ANKFY1: variants seen among roughly 807,000 people sequenced by gnomAD.
ANKFY1 encodes the protein ankyrin repeat and FYVE domain containing 1.
ANKFY1 carries 47 observed loss-of-function variants against 128.3 expected under a neutral mutation model. That is an observed-to-expected ratio of 0.37 (90% CI 0.29 to 0.47). ANKFY1 has a LOEUF of 0.47. ANKFY1 is among the 20% of genes least tolerant of loss of function. The pLI is 1.00. For synonymous variants in ANKFY1, 553 were observed against 601.6 expected, an observed-to-expected ratio of 0.92 and a Z score of 1.18; for missense variants, 1,222 against 1,510.6, an observed-to-expected ratio of 0.81 and a Z score of 3.17.
At chr17:4,207,147 G>A (rs1281200474) in intron 6 of ANKFY1, among the ~76,000 whole-genome samples, 1 of 151,896 alleles carries the variant, frequency 6.6e-6, no homozygotes, top group African/African-American at 2.4e-5. Flanking sequence ...TAACCACAGA[G>A]GGCCCGACCC....
chr17:4,217,552 A>C (rs887392785), intron 3 of ANKFY1, among the ~76,000 whole-genome samples: 3 of 152,210 alleles, frequency 2.0e-5, no homozygotes, highest in African/African-American at 2.4e-5. Context: ...GTCTCAAAAA[A>C]AAGGTGACTC....
chr17:4,215,520 A>T (rs1314124693), intron 4 of ANKFY1, among the ~76,000 whole-genome samples: 1 of 152,124 alleles, frequency 6.6e-6, no homozygotes, highest in South Asian at 2.1e-4. Flanking sequence ...ATTCCTTCCA[A>T]GGACAGCAGG....
chr17:4,170,796 G>A lies in ANKFY1; in HGVS notation c.3205C>T (p.Arg1069Cys), dbSNP rs947729298. 23 of 1,613,926 alleles carry A rather than the reference G, an allele frequency of 1.4e-5. No homozygotes were observed. Among genetic ancestry groups the A allele is most frequent in the Admixed American group, 3.3e-5 (2 of 59,980 alleles). Residue 1069 changes from arginine to cysteine, a missense_variant, in exon 23 of 25, where the codon CGC (arginine) becomes TGC (cysteine). Coordinates refer to ENST00000341657, the MANE Select transcript of ANKFY1 (RefSeq NM_001330063.2). Reference protein sequence around the residue: ...LCRAIVRSGARLGVNNNQGVN... With the variant: ...LCRAIVRSGACLGVNNNQGVN... Reference sequence around the variant, plus strand: ...CCCTGGTTGTTATTCACCCCGAGGCGAGCCCCCGACCGGACGATGGCGCGG... The same window carrying A: ...CCCTGGTTGTTATTCACCCCGAGGCAAGCCCCCGACCGGACGATGGCGCGG...
intron 2 of ANKFY1, among the ~76,000 whole-genome samples, chr17:4,238,351 T>A (rs1967019368): frequency 6.6e-6 from 1 of 152,160 alleles, no homozygotes; most frequent in Admixed American, 6.5e-5. Flanking sequence ...CTTTAGAAAC[T>A]GATTCCTCAG....
chr17:4,185,174 G>C, intron 11 of ANKFY1, 128 bp from the exon 12 acceptor site: 1 of 793,480 alleles, frequency 1.3e-6, no homozygotes, highest in East Asian at 2.7e-5. Flanking sequence ...CCTGACTTCT[G>C]TTCTCTTTCT....
chr17:4,183,684 A>C, intron 13 of ANKFY1, 128 bp downstream of exon 13: 1 of 1,413,544 alleles, frequency 7.1e-7, no homozygotes, highest in Admixed American at 2.0e-5. Flanking sequence ...TAACTCAAAC[A>C]GAAATGTTAT....
chr17:4,174,122 C>A (rs116640794), intron 19 of ANKFY1, 66 bp from the exon 20 acceptor site: 3 of 1,557,786 alleles, frequency 1.9e-6, no homozygotes, highest in Non-Finnish European at 2.6e-6. Flanking sequence ...TTATGGGGGC[C>A]GAGCCTGCTT....
intron 1 of ANKFY1, among the ~76,000 whole-genome samples, chr17:4,247,976 C>T (rs888377376): frequency 9.2e-5 from 14 of 152,194 alleles, no homozygotes; most frequent in African/African-American, 3.4e-4. Flanking sequence ...TCCTGTGTTG[C>T]AAGATTCTCC....
chr17:4,175,298 A>C (rs1386347932), intron 19 of ANKFY1, among the ~76,000 whole-genome samples: 1 of 151,210 alleles, frequency 6.6e-6, no homozygotes, highest in Non-Finnish European at 1.5e-5. Flanking sequence ...AGGTCACTGC[A>C]CTCCAGCCTG....
In ANKFY1 at chr17:4,179,241, C is replaced by T. The variant is rs146397542; in HGVS notation, c.2398-184G>A. ...CTAAATGTCACTTCCTGTTACACCA[C>T]GTTCCAGTGACCCAGTGGTGACCGT... is the stretch of plus-strand genomic sequence containing the variant. On this transcript the variant is annotated intron_variant, in intron 17 of 24. Coordinates refer to ENST00000341657, the MANE Select transcript of ANKFY1 (RefSeq NM_001330063.2). The T allele has an allele frequency of 5.9e-4, 394 of 667,960 alleles. 1 individual carries two copies. Among genetic ancestry groups the T allele is most frequent in the African/African-American group, 5.7e-3 (319 of 55,606 alleles). 41.4% of individuals were successfully genotyped at this position (667,960 alleles called of 1,614,324 possible).
chr17:4,188,444 T>G (rs887061255), intron 11 of ANKFY1: 8 of 152,234 alleles, frequency 5.3e-5, no homozygotes, highest in Admixed American at 5.2e-4. Flanking sequence ...TCATTATTTA[T>G]AAGCCACTTA....
chr17:4,204,234 T>C (rs548355404), intron 7 of ANKFY1, among the ~76,000 whole-genome samples: 50 of 152,330 alleles, frequency 3.3e-4, no homozygotes, highest in Non-Finnish European at 6.2e-4. Context: ...AAGCGATGAA[T>C]GGCAGGGTTG....
At chr17:4,255,236 T>C (rs1202569319) in intron 1 of ANKFY1, among the ~76,000 whole-genome samples, 1 of 151,104 alleles carries the variant, frequency 6.6e-6, no homozygotes, top group East Asian at 1.9e-4. Flanking sequence ...GTGTTCTTCA[T>C]GTAATTCTTT....
rs1280207105 is a variant in ANKFY1 at position 4,178,681 on chromosome 17, C to G, written c.2598+176G>C. The G allele has an allele frequency of 9.1e-6, 6 of 660,010 alleles. No homozygotes were observed. The highest frequency in any genetic ancestry group is 1.8e-5 in the African/African-American group (1 of 55,260). 40.9% of individuals were successfully genotyped at this position (660,010 alleles called of 1,614,324 possible). On this transcript the variant is annotated intron_variant, in intron 18 of 24. Transcript: ENST00000341657. The surrounding 1 kb of genome is among the most constrained non-coding windows in gnomAD (Gnocchi z 4.1). ...AGGCGCTGACACACAGGCAGAGGAG[C>G]CGGATCTCATCCTGCACGGATGGGA...
chr17:4,261,776 A>G (rs1271899940), intron 1 of ANKFY1, among the ~76,000 whole-genome samples: 1 of 152,190 alleles, frequency 6.6e-6, no homozygotes, highest in South Asian at 2.1e-4. Flanking sequence ...ATGTATTCCC[A>G]AAACACCGAA....
At chr17:4,173,468 T>C in intron 20 of ANKFY1, 24 bp from the exon 21 acceptor site, 3 of 1,609,244 alleles carry the variant, frequency 1.9e-6, no homozygotes, top group Non-Finnish European at 2.6e-6. Context: ...CCTCTTACTA[T>C]GCAAGCCCAG....
At chr17:4,170,884 G>C in intron 22 of ANKFY1, 23 bp from the exon 23 acceptor site, 2 of 1,614,040 alleles carry the variant, frequency 1.2e-6, no homozygotes, top group Non-Finnish European at 8.5e-7. Flanking sequence ...AGCACGCGCA[G>C]GGCTACTTCC....
At chr17:4,261,667 G>C (rs1447117874) in intron 1 of ANKFY1, among the ~76,000 whole-genome samples, 1 of 152,236 alleles carries the variant, frequency 6.6e-6, no homozygotes, top group Non-Finnish European at 1.5e-5. Flanking sequence ...CAGCCTGTAT[G>C]AGCTCCTCAG....
chr17:4,185,149 C>T, intron 11 of ANKFY1, 103 bp from the exon 12 acceptor site: 2 of 924,482 alleles, frequency 2.2e-6, no homozygotes, highest in Non-Finnish European at 3.4e-6. Flanking sequence ...GCTCATCCTG[C>T]CGCCAGCTGC....
Sources: allele counts gnomAD v4.1 joint callset (sites outside exome capture counted in the v4.1 genomes callset), GRCh38; gene constraint gnomAD v4.1.1; non-coding constraint Gnocchi (gnomAD v3.1); transcripts MANE v1.5; gene names NCBI Gene and HGNC (gene_info 2026-07-23, HGNC 2026-07-21).